Variants in ANK3 observed in about 807,000 individuals in gnomAD.
ANK3 encodes the protein ankyrin-3.
In ANK3, 57 loss-of-function variants were observed where a neutral mutation model predicts 370.9. That is an observed-to-expected ratio of 0.15 (90% CI 0.12 to 0.19). ANK3 has a LOEUF of 0.19. Among genes scored for constraint, ANK3 ranks in the 10% least tolerant of loss-of-function variants. ANK3 has a pLI of 1.00. For synonymous variants in ANK3, 1,929 were observed against 1,946.3 expected, an observed-to-expected ratio of 0.99 and a Z score of 0.23; for missense variants, 4,439 against 5,302.1, an observed-to-expected ratio of 0.84 and a Z score of 5.06.
chr10:60,199,997 G>C (rs1038561501), intron 13 of ANK3, 132 bp downstream of exon 13: 1 of 649,258 alleles, frequency 1.5e-6, no homozygotes. Flanking sequence ...ACTTGGGTAG[G>C]GACTTTTATC....
chr10:60,726,157 T>C (rs987891232), intron 1 of ANK3, among the ~76,000 whole-genome samples: 4 of 152,152 alleles, frequency 2.6e-5, no homozygotes, highest in African/African-American at 9.7e-5. Context: ...ACATAGCTTC[T>C]CTCAGATACT....
intron 2 of ANK3, among the ~76,000 whole-genome samples, chr10:60,457,435 T>A (rs1218483738): frequency 6.6e-6 from 1 of 152,130 alleles, no homozygotes; most frequent in Non-Finnish European, 1.5e-5. Context: ...TGAAGTCAGG[T>A]AGAACAGAAG....
intron 1 of ANK3, among the ~76,000 whole-genome samples, chr10:60,315,118 T>C (rs1045211409): frequency 3.3e-5 from 5 of 152,124 alleles, no homozygotes; most frequent in Non-Finnish European, 5.9e-5. Context: ...CTTAGCACTT[T>C]ATAGGATGGT....
intron 2 of ANK3, among the ~76,000 whole-genome samples, chr10:60,527,578 T>C (rs2076503753): frequency 6.6e-6 from 1 of 152,092 alleles, no homozygotes; most frequent in Admixed American, 6.6e-5. Context: ...AAATTTGCCT[T>C]TCCATAATTC....
intron 43 of ANK3, among the ~76,000 whole-genome samples, chr10:60,041,648 G>A (rs2076107906): frequency 6.6e-6 from 1 of 152,114 alleles, no homozygotes; most frequent in African/African-American, 2.4e-5. Flanking sequence ...AGTTCTGAGT[G>A]GTCTTCTCAA....
At chr10:60,402,183 G>A (rs1205995155) in intron 2 of ANK3, among the ~76,000 whole-genome samples, 1 of 152,090 alleles carries the variant, frequency 6.6e-6, no homozygotes, top group Admixed American at 6.5e-5. Context: ...AATTATTCAA[G>A]TATTATGGAT....
At chr10:60,188,357 T>A (rs1037914831) in intron 16 of ANK3, among the ~76,000 whole-genome samples, 1 of 152,150 alleles carries the variant, frequency 6.6e-6, no homozygotes, top group Admixed American at 6.6e-5. Flanking sequence ...ACAAGAAGTG[T>A]AAGATTACAC....
At chr10:60,605,718 G>A (rs959121051) in intron 2 of ANK3, among the ~76,000 whole-genome samples, 13 of 152,272 alleles carry the variant, frequency 8.5e-5, no homozygotes, top group Admixed American at 3.9e-4. Context: ...GGCCTGTGCT[G>A]TATTCATAGG....
In ANK3 at chr10:60,072,447, G is replaced by C; in HGVS notation, c.8434C>G (p.Gln2812Glu). The C allele has an allele frequency of 6.2e-7, 1 of 1,613,992 alleles. No homozygotes were observed. The highest frequency in any genetic ancestry group is 2.2e-5 in the East Asian group (1 of 44,876). ...NDSGSDNVKK[Q>E]RTEMSSKAMP... ...GCTTTACTTGACATTTCAGTTCTCT[G>C]TTTTTTCACATTATCAGAGCCAGAA... The change falls in exon 37 of 44, where the codon CAG becomes GAG. Residue 2812 changes from glutamine (Q) to glutamate (E), a missense_variant. By Grantham distance (29) the Gln-to-Glu change is conservative (BLOSUM62 2). This residue lies in a region of ANK3 where 1,601 missense variants were observed against 1,731.7 expected (regional missense o/e 0.92). Transcript: ENST00000280772.
chr10:60,567,452 G>T (rs1415989799), intron 2 of ANK3, among the ~76,000 whole-genome samples: 2 of 152,092 alleles, frequency 1.3e-5, no homozygotes, highest in Non-Finnish European at 2.9e-5. Flanking sequence ...GTTGAGACCT[G>T]CTGGCCAGAA....
At chr10:60,095,969 T>C (rs1019071912) in intron 28 of ANK3, among the ~76,000 whole-genome samples, 4 of 151,234 alleles carry the variant, frequency 2.6e-5, no homozygotes, top group Non-Finnish European at 4.4e-5. Flanking sequence ...AGATCAGGAG[T>C]TCAAGACCAG....
intron 25 of ANK3, among the ~76,000 whole-genome samples, chr10:60,123,012 A>G (rs2093582541): frequency 6.6e-6 from 1 of 152,204 alleles, no homozygotes; most frequent in African/African-American, 2.4e-5. Context: ...CTAGGCCCAT[A>G]CATTCATTTT....
intron 1 of ANK3, chr10:60,684,533 C>T: frequency 6.4e-7 from 1 of 1,565,802 alleles, no homozygotes; most frequent in Non-Finnish European, 8.7e-7. Context: ...GACCAGACTT[C>T]TATCCTGTCC....
intron 7 of ANK3, among the ~76,000 whole-genome samples, chr10:60,248,741 G>A (rs2097595064): frequency 1.3e-5 from 2 of 152,154 alleles, no homozygotes; most frequent in Non-Finnish European, 1.5e-5. Context: ...GCTGGAATGG[G>A]TTACAGGTAA....
intron 1 of ANK3, 40 bp downstream of exon 1, chr10:60,389,385 A>C: frequency 6.3e-7 from 1 of 1,588,192 alleles, no homozygotes; most frequent in Non-Finnish European, 8.6e-7. Context: ...TAAAACAAAA[A>C]GAATCCAGGC....
chr10:60,725,858 C>T (rs113804969), intron 1 of ANK3, among the ~76,000 whole-genome samples: 1,631 of 152,112 alleles, frequency 0.011, 22 homozygotes, highest in African/African-American at 0.037. Flanking sequence ...ATGAAATTTT[C>T]CGAAACATAG....
intron 28 of ANK3, among the ~76,000 whole-genome samples, chr10:60,099,189 T>C (rs2090717473): frequency 6.6e-6 from 1 of 152,154 alleles, no homozygotes; most frequent in East Asian, 1.9e-4. Flanking sequence ...GCCTCCCTTC[T>C]TCCAGAAAGT....
chr10:60,660,351 G>T (rs1341708807), intron 1 of ANK3, among the ~76,000 whole-genome samples: 1 of 152,080 alleles, frequency 6.6e-6, no homozygotes, highest in African/African-American at 2.4e-5. Context: ...TCAAATAGCA[G>T]CATCTCTCCC....
At chr10:60,474,115 A>G (rs1042897793) in intron 2 of ANK3, among the ~76,000 whole-genome samples, 7 of 152,146 alleles carry the variant, frequency 4.6e-5, no homozygotes, top group Admixed American at 1.3e-4. Context: ...CCTGGGCAAC[A>G]GAATGAGACC....
Sources: allele counts gnomAD v4.1 joint callset (sites outside exome capture counted in the v4.1 genomes callset), GRCh38; gene constraint gnomAD v4.1.1; regional missense constraint gnomAD v4.1.1; transcripts MANE v1.5; gene names NCBI Gene and HGNC (gene_info 2026-07-23, HGNC 2026-07-21).